TRIM33: variants seen among roughly 807,000 people sequenced by gnomAD.
TRIM33 encodes tripartite motif containing 33, also known as E3 ubiquitin-protein ligase TRIM33.
Under a neutral mutation model 125.4 loss-of-function variants are expected in TRIM33, and 20 were observed. That is an observed-to-expected ratio of 0.16 (90% confidence interval 0.11 to 0.23). TRIM33 has a LOEUF of 0.23. Among genes scored for constraint, TRIM33 ranks in the 10% least tolerant of loss-of-function variants. TRIM33 has a pLI of 1.00. For synonymous variants in TRIM33, 564 were observed against 513.9 expected (o/e 1.10, Z -1.32); for missense variants, 920 against 1,411.4 (o/e 0.65, Z 5.58).
chr1:114,464,262 A>C lies in TRIM33; in HGVS notation c.645+8T>G. ...GATAGGAATATAAAGAAAAATTGAG[A>C]AGCATACCTGTTCTGATTTTTCATC... On this transcript the variant is annotated splice_region_variant and intron_variant, in intron 2 of 19. Coordinates refer to ENST00000358465, the MANE Select transcript of TRIM33 (RefSeq NM_015906.4). 1 of 1,465,078 alleles carries C rather than the reference A, an allele frequency of 6.8e-7. No homozygotes were observed. Among genetic ancestry groups the C allele is most frequent in the Non-Finnish European group, 9.4e-7 (1 of 1,067,412 alleles). The allele number at this position is 1,465,078 out of a possible 1,614,324, so 90.8% of individuals were successfully genotyped here.
intron 11 of TRIM33, among the ~76,000 whole-genome samples, chr1:114,410,606 T>C (rs776205911): frequency 6.6e-6 from 1 of 152,210 alleles, no homozygotes; most frequent in Non-Finnish European, 1.5e-5. Context: ...TTTCTCAAAA[T>C]TGCTGCAGGA....
intron 1 of TRIM33, among the ~76,000 whole-genome samples, chr1:114,492,799 T>C (rs1272073199): frequency 6.6e-6 from 1 of 152,248 alleles, no homozygotes; most frequent in Non-Finnish European, 1.5e-5. Flanking sequence ...ATATACATTT[T>C]ATCAATTCAT....
chr1:114,431,306 AATT>A (rs1178338199), intron 5 of TRIM33, among the ~76,000 whole-genome samples: 1 of 152,216 alleles, frequency 6.6e-6, no homozygotes, highest in Non-Finnish European at 1.5e-5. Context: ...CACAAGCAAT[AATT>A]ATCTTTTGAA....
chr1:114,507,189 C>T (rs1020148834), intron 1 of TRIM33, among the ~76,000 whole-genome samples: 1 of 152,132 alleles, frequency 6.6e-6, no homozygotes, highest in African/African-American at 2.4e-5. Flanking sequence ...AAGTGAGAGC[C>T]CTTCATTCAA....
At position 114,405,690 on chromosome 1, in the gene TRIM33, C is replaced by A. The variant is rs376738084; in HGVS notation, c.2488G>T (p.Ala830Ser). The change falls in exon 15 of 20, where the codon GCA (alanine) becomes TCA (serine). Residue 830 changes from alanine (A) to serine (S), a missense_variant. This residue lies in a region of TRIM33 where 407 missense variants were observed against 589.7 expected (regional missense o/e 0.69). Coordinates refer to ENST00000358465, the MANE Select transcript of TRIM33 (RefSeq NM_015906.4). ...ACATGGTTTTCCAGGCTTGCCAATGCATCCAATTCACTTTCTAGATGCAGG... is the reference window on the plus strand; with the variant it reads ...ACATGGTTTTCCAGGCTTGCCAATGAATCCAATTCACTTTCTAGATGCAGG... ...TNLHLESELDALASLENHVKI... is the reference protein window; with the variant it reads ...TNLHLESELDSLASLENHVKI... 8 of 1,614,206 alleles carry A rather than the reference C, an allele frequency of 5.0e-6. No homozygotes were observed. Among genetic ancestry groups the A allele is most frequent in the Non-Finnish European group, 6.8e-6 (8 of 1,180,020 alleles).
At chr1:114,506,734 A>C (rs1653028431) in intron 1 of TRIM33, among the ~76,000 whole-genome samples, 1 of 152,182 alleles carries the variant, frequency 6.6e-6, no homozygotes, top group Non-Finnish European at 1.5e-5. Flanking sequence ...AAATCACAAA[A>C]ACACTTTAAA....
chr1:114,419,444 A>G (rs1226508862), intron 11 of TRIM33, among the ~76,000 whole-genome samples: 2 of 152,176 alleles, frequency 1.3e-5, no homozygotes, highest in Non-Finnish European at 2.9e-5. Context: ...CTTATCCATA[A>G]AACAGGGATA....
At chr1:114,424,474 A>G in intron 10 of TRIM33, 117 bp downstream of exon 10, 2 of 806,990 alleles carry the variant, frequency 2.5e-6, no homozygotes, top group Non-Finnish European at 3.7e-6. Flanking sequence ...AAGAGGATAT[A>G]CAGCATTAAT....
rs370849641 is a variant in TRIM33, at chr1:114,398,016, A to C, written c.3121-26T>G. 1.2e-4 allele frequency: 198 copies of C among 1,600,246 alleles called. 1 individual carries two copies. In the African/African-American group the frequency reaches 1.8e-3, roughly 14 times the overall value. On this transcript the variant is annotated intron_variant, in intron 18 of 19. Coordinates refer to ENST00000358465, the MANE Select transcript of TRIM33 (RefSeq NM_015906.4). ...CTAAAAAGGATACCAGAGTCAAAAA[A>C]AAAAAAGGGAAATTATAATCCTTTC... is the stretch of plus-strand genomic sequence containing the variant.
At chr1:114,442,382 T>G (rs1021024552) in intron 4 of TRIM33, among the ~76,000 whole-genome samples, 7 of 152,044 alleles carry the variant, frequency 4.6e-5, no homozygotes, top group African/African-American at 1.7e-4. Context: ...TTCAACTACT[T>G]GGATTGCATC....
At chr1:114,420,773 T>C (rs2101140710) in intron 11 of TRIM33, among the ~76,000 whole-genome samples, 1 of 152,348 alleles carries the variant, frequency 6.6e-6, no homozygotes, top group East Asian at 1.9e-4. Flanking sequence ...CATCATTTTT[T>C]TGTGGTGAGA....
At chr1:114,433,755 C>A in intron 4 of TRIM33, 22 bp from the exon 5 acceptor site, 2 of 1,355,248 alleles carry the variant, frequency 1.5e-6, no homozygotes, top group South Asian at 1.2e-5. Context: ...AACAAAACTA[C>A]ATTTAAAACA....
chr1:114,455,347 T>C (rs1287761146), intron 4 of TRIM33, among the ~76,000 whole-genome samples: 2 of 152,218 alleles, frequency 1.3e-5, no homozygotes, highest in African/African-American at 4.8e-5. Flanking sequence ...AGTCAGGAGA[T>C]GACTATGAGT....
In TRIM33 at chr1:114,501,185, G is replaced by A. The variant is rs916917087; in HGVS notation, c.526+9366C>T. ...AGCCTGGGCGACAGAGCGAGACTCC[G>A]TCTCAAAAAAAAAAAAAAAAAAAAA... On this transcript the variant is annotated intron_variant, in intron 1 of 19. Transcript: ENST00000358465. 2.3e-4 allele frequency among the ~76,000 whole-genome samples: 12 copies of A among 51,802 alleles called. 1 individual carries two copies. The highest frequency in any genetic ancestry group is 5.4e-4 in the Admixed American group (3 of 5,580). The allele number at this position is 51,802 out of a possible 152,430, so 34.0% of individuals were successfully genotyped here. A position where few individuals can be genotyped will look rare whatever the true frequency, so the allele number is the denominator to read the frequency against.
intron 4 of TRIM33, among the ~76,000 whole-genome samples, chr1:114,450,942 C>G (rs1431540609): frequency 2.0e-5 from 3 of 152,032 alleles, no homozygotes; most frequent in Non-Finnish European, 4.4e-5. Context: ...TTATACTGGT[C>G]TGCTGGAACT....
chr1:114,426,531 A>AT (rs939859851), intron 8 of TRIM33, among the ~76,000 whole-genome samples: 12 of 149,276 alleles, frequency 8.0e-5, no homozygotes, highest in Admixed American at 2.0e-4. Context: ...TTAAAAAAAA[A>AT]GGGCAACCAG....
chr1:114,506,655 A>C (rs1261311232), intron 1 of TRIM33, among the ~76,000 whole-genome samples: 1 of 152,194 alleles, frequency 6.6e-6, no homozygotes, highest in Non-Finnish European at 1.5e-5. Context: ...TTTTATTGAT[A>C]AAGTATAAAT....
intron 1 of TRIM33, among the ~76,000 whole-genome samples, chr1:114,465,074 A>C (rs1650209950): frequency 6.6e-6 from 1 of 152,230 alleles, no homozygotes; most frequent in Non-Finnish European, 1.5e-5. Flanking sequence ...GTTTGTGGTA[A>C]TTTTGTTACA....
intron 15 of TRIM33, 70 bp downstream of exon 15, chr1:114,405,340 T>C (rs1368447974): frequency 6.3e-6 from 8 of 1,263,246 alleles, no homozygotes; most frequent in African/African-American, 4.5e-5. Context: ...CCATCTGCCC[T>C]GAACATTCTT....
Sources: gnomAD v4.1 joint callset for allele counts (sites outside exome capture counted in the v4.1 genomes callset) on GRCh38, gnomAD v4.1.1 for gene constraint, gnomAD v4.1.1 regional missense constraint, MANE v1.5 for transcripts, NCBI Gene and HGNC (gene_info 2026-07-23, HGNC 2026-07-21) for gene names.